The following NCAPD3 variants were observed in gnomAD, a reference collection of about 807,000 sequenced individuals.
NCAPD3 encodes non-SMC condensin II complex subunit D3.
Under a neutral mutation model 182.9 loss-of-function variants are expected in NCAPD3, and 105 were observed. The ratio of observed to expected loss-of-function variants is 0.57; its 90% CI spans 0.49 to 0.68. The LOEUF is 0.68. NCAPD3 is among the 30% of genes least tolerant of loss of function. NCAPD3 has a pLI of 0.00. For missense variants in NCAPD3, 1,944 were observed against 1,837.0 expected (o/e 1.06, Z -1.07); for synonymous variants, 815 against 679.9 (o/e 1.20, Z -3.09).
intron 32 of NCAPD3, chr11:134,153,846 G>A (rs966046231): frequency 5.4e-6 from 1 of 185,018 alleles, no homozygotes; most frequent in Non-Finnish European, 1.1e-5. Context: ...CAGCAGCCAA[G>A]TCCTGTCCCT....
chr11:134,206,585 T>C lies in NCAPD3; in HGVS notation c.1016+14A>G, dbSNP rs777650376. 3 of 1,612,934 alleles carry C rather than the reference T, an allele frequency of 1.9e-6. No individual in the cohort carries two copies. Among genetic ancestry groups the C allele is most frequent in the Non-Finnish European group, 2.5e-6 (3 of 1,179,578 alleles). On this transcript the variant is annotated intron_variant, in intron 8 of 34. Transcript: ENST00000534548. ...AGACTGACAGGGTGAAAATTCACGATTTGTGTGCTTCACCTGATAAACTGG... is the reference window on the plus strand; with the variant it reads ...AGACTGACAGGGTGAAAATTCACGACTTGTGTGCTTCACCTGATAAACTGG...
chr11:134,165,142 C>G (rs1278691051), intron 27 of NCAPD3, among the ~76,000 whole-genome samples: 3 of 150,978 alleles, frequency 2.0e-5, no homozygotes, highest in African/African-American at 7.3e-5. Flanking sequence ...AGGGGAGCAG[C>G]ACACTCACTT....
At chr11:134,165,834 C>G (rs529457523) in intron 27 of NCAPD3, among the ~76,000 whole-genome samples, 164 of 95,846 alleles carry the variant, frequency 1.7e-3, no homozygotes, top group Middle Eastern at 7.8e-3. Context: ...TTGGGGGAGG[C>G]GCACACTCGT....
chr11:134,166,207 A>ACTC (rs1943789681), intron 27 of NCAPD3, among the ~76,000 whole-genome samples: 1 of 6,364 alleles, frequency 1.6e-4, no homozygotes, highest in Admixed American at 4.9e-4. Context: ...GGAGGGGCAC[A>ACTC]GTGAGATGAG....
intron 25 of NCAPD3, 88 bp downstream of exon 25, chr11:134,168,829 A>G: frequency 6.7e-7 from 1 of 1,500,984 alleles, no homozygotes; most frequent in East Asian, 2.3e-5. Context: ...GTCTGCGTCC[A>G]ATCACTACAT....
rs201978239 is a variant in NCAPD3 at position 134,153,049 on chromosome 11, G to C, written c.4392C>G (p.Pro1464=). Residue 1464 remains proline (P), a synonymous_variant, in exon 35 of 35, where the codon CCC becomes CCG. Coordinates refer to ENST00000534548, the MANE Select transcript of NCAPD3 (RefSeq NM_015261.3). ...ILCLSLPDKP[P]PQPQQWNVRS... ...GCACATTCCACTGCTGAGGCTGTGG[G>C]GGCCTAGGGAAAGGACATGTGCAGT... is the stretch of plus-strand genomic sequence containing the variant. The C allele has an allele frequency of 2.5e-6, 4 of 1,603,614 alleles. No homozygotes were observed. In the East Asian group the frequency reaches 9.0e-5, roughly 36 times the overall value.
chr11:134,187,381 A>C (rs776996093), intron 16 of NCAPD3, among the ~76,000 whole-genome samples: 3 of 152,194 alleles, frequency 2.0e-5, no homozygotes, highest in Non-Finnish European at 4.4e-5. Context: ...CTCATGCATT[A>C]CCAAGAGCTC....
At chr11:134,153,398 G>A (rs533311211) in intron 32 of NCAPD3, 35 bp from the exon 33 acceptor site, 19 of 1,604,568 alleles carry the variant, frequency 1.2e-5, no homozygotes, top group African/African-American at 2.7e-5. Flanking sequence ...AGTGAAAGCC[G>A]CGTGGTCTAT....
chr11:134,225,435 G>A (rs1405489181), upstream of NCAPD3: 4 of 1,324,894 alleles, frequency 3.0e-6, no homozygotes, highest in East Asian at 9.9e-5. Flanking sequence ...GGCGAGGCCT[G>A]TCACAGTCGC....
rs145474083 is a variant in NCAPD3, at chr11:134,168,527, C to T, written c.3315G>A (p.Glu1105=). 60 of 1,614,036 alleles carry T rather than the reference C, an allele frequency of 3.7e-5. No individual in the cohort carries two copies. The highest frequency in any genetic ancestry group is 1.7e-4 in the African/African-American group (13 of 74,918). The part of the protein sequence containing the change: ...RRMKIYKFLL[E]HFTDEQRFNI... ...TGAATCGCTGTTCATCTGTGAAGTG[C>T]TCTAGAAGAAATTTGTAGATTTTCA... The change falls in exon 26 of 35, where the codon GAG becomes GAA. Residue 1105 remains glutamate, a synonymous_variant. Coordinates refer to ENST00000534548, the MANE Select transcript of NCAPD3 (RefSeq NM_015261.3).
chr11:134,222,809 T>C (rs973367058), intron 1 of NCAPD3, among the ~76,000 whole-genome samples: 1 of 152,270 alleles, frequency 6.6e-6, no homozygotes, highest in East Asian at 1.9e-4. Flanking sequence ...GGGAAAGAAA[T>C]TAAAGTGTTT....
At chr11:134,209,571 C>G in intron 4 of NCAPD3, 94 bp from the exon 5 acceptor site, 4 of 1,209,288 alleles carry the variant, frequency 3.3e-6, no homozygotes, top group Non-Finnish European at 4.6e-6. Context: ...CAGATAAACT[C>G]CAGGCAGGAG....
chr11:134,156,538 G>A (rs1046454157), intron 32 of NCAPD3, among the ~76,000 whole-genome samples: 3 of 152,154 alleles, frequency 2.0e-5, no homozygotes, highest in Admixed American at 6.5e-5. Context: ...ACAAACAGTA[G>A]GAAAAAACAT....
At chr11:134,196,645 C>CA (rs998502328) in intron 13 of NCAPD3, among the ~76,000 whole-genome samples, 10,066 of 57,432 alleles carry the variant, frequency 0.18, 475 homozygotes, top group Non-Finnish European at 0.2. Context: ...AACTCCATCT[C>CA]AAAAAAAAAA....
chr11:134,167,230 T>C (rs1380353738), intron 27 of NCAPD3, among the ~76,000 whole-genome samples: 1 of 81,784 alleles, frequency 1.2e-5, no homozygotes, highest in Non-Finnish European at 2.3e-5. Context: ...GAGATGAGCT[T>C]GGGGGAGGCG....
rs138440163 is a variant in NCAPD3, at chr11:134,168,648, G to A, written c.3240-46C>T. On this transcript the variant is annotated intron_variant, in intron 25 of 34. Coordinates refer to ENST00000534548, the MANE Select transcript of NCAPD3 (RefSeq NM_015261.3). Reference sequence around the variant, plus strand: ...TTCACTGCATCACATGGGCACGGGTGTAAGGGATTTAACACTGCACTTTAA... The same window carrying A: ...TTCACTGCATCACATGGGCACGGGTATAAGGGATTTAACACTGCACTTTAA... 1.1e-5 allele frequency: 17 copies of A among 1,610,668 alleles called. No homozygotes were observed. The African/African-American group carries it at 2.0e-4, about 19-fold the overall frequency.
At chr11:134,194,626 T>TA in intron 14 of NCAPD3, 39 bp downstream of exon 14, 2 of 1,444,204 alleles carry the variant, frequency 1.4e-6, no homozygotes, top group Non-Finnish European at 1.9e-6. Flanking sequence ...TCCAAGTTTT[T>TA]AGTGCTTAAA....
intron 28 of NCAPD3, 78 bp from the exon 29 acceptor site, chr11:134,160,152 C>G: frequency 1.4e-6 from 2 of 1,469,594 alleles, no homozygotes; most frequent in Non-Finnish European, 1.9e-6. Flanking sequence ...GACACACCTT[C>G]GCCTGTGTAA....
In NCAPD3 at chr11:134,153,300, G is replaced by A. The variant is rs886993868; in HGVS notation, c.4316C>T (p.Ser1439Leu). The A allele has an allele frequency of 2.5e-6, 4 of 1,614,044 alleles. No individual in the cohort carries two copies. The highest frequency in any genetic ancestry group is 2.5e-6 in the Non-Finnish European group (3 of 1,180,028). ...VSYIGTPRTP[S>L]SAKEKIEGRS... ...CACCAAGAACTTGCCTTTGGCTGACGACGGAGTCCGTGGTGTCCCGATGTA... is the reference window on the plus strand; with the variant it reads ...CACCAAGAACTTGCCTTTGGCTGACAACGGAGTCCGTGGTGTCCCGATGTA... The change falls in exon 33 of 35, where the codon TCG becomes TTG. Residue 1439 changes from serine (S) to leucine (L), a missense_variant. Transcript: ENST00000534548.
Sources: gnomAD v4.1 joint callset for allele counts (sites outside exome capture counted in the v4.1 genomes callset) on GRCh38, gnomAD v4.1.1 for gene constraint, MANE v1.5 for transcripts, NCBI Gene and HGNC (gene_info 2026-07-23, HGNC 2026-07-21) for gene names.